TENT5C: variants seen among roughly 807,000 people sequenced by gnomAD.
TENT5C encodes the protein family with sequence similarity 46 member C.
Under a neutral mutation model 22.2 loss-of-function variants are expected in TENT5C, and 5 were observed. The observed-to-expected ratio is 0.22, with a 90% CI of 0.12 to 0.47. TENT5C has a LOEUF of 0.47. Ranked by LOEUF, TENT5C falls within the 20% of genes least tolerant of loss-of-function variation. The pLI is 0.99. For synonymous variants in TENT5C, 199 were observed against 195.4 expected, an observed-to-expected ratio of 1.02 and a Z score of -0.15; for missense variants, 364 against 500.9, an observed-to-expected ratio of 0.73 and a Z score of 2.61.
intron 1 of TENT5C, among the ~76,000 whole-genome samples, chr1:117,607,728 A>T (rs1200938078): frequency 6.6e-6 from 1 of 152,158 alleles, no homozygotes; most frequent in African/African-American, 2.4e-5. Context: ...TTACTGTCTT[A>T]AATCCCCAAG....
chr1:117,618,397 G>GT (rs574013203), intron 1 of TENT5C, among the ~76,000 whole-genome samples: 2,539 of 151,408 alleles, frequency 0.017, 75 homozygotes, highest in African/African-American at 0.058. Flanking sequence ...AGAGTCTGAG[G>GT]TTTTTTTTTA....
chr1:117,607,330 G>C (rs1653564242), intron 1 of TENT5C, among the ~76,000 whole-genome samples: 1 of 152,178 alleles, frequency 6.6e-6, no homozygotes, highest in African/African-American at 2.4e-5. Flanking sequence ...CAGTTCCCTG[G>C]CTTAATTAAG....
intron 1 of TENT5C, among the ~76,000 whole-genome samples, chr1:117,609,213 C>T (rs1653611718): frequency 6.6e-6 from 1 of 152,182 alleles, no homozygotes; most frequent in South Asian, 2.1e-4. Flanking sequence ...TTTACGCTTT[C>T]ATTGCAGGCC....
chr1:117,610,637 C>T (rs1352817460), intron 1 of TENT5C, among the ~76,000 whole-genome samples: 1 of 152,218 alleles, frequency 6.6e-6, no homozygotes, highest in African/African-American at 2.4e-5. Flanking sequence ...AAGCGATCCT[C>T]CTACCTCAGC....
In TENT5C at chr1:117,626,173, A is replaced by C; in HGVS notation, c.*2129A>C. The C allele has an allele frequency of 4.3e-6, 1 of 231,902 alleles. No homozygotes were observed. The highest frequency in any genetic ancestry group is 9.0e-6 in the Non-Finnish European group (1 of 110,956). The allele number at this position is 231,902 out of a possible 1,614,324, so 14.4% of individuals were successfully genotyped here. ...CATAAGCACTTGCCTAACAGAAATCAGTATTTCTTCTACTTAGAAGGCTTG... is the reference window on the plus strand; with the variant it reads ...CATAAGCACTTGCCTAACAGAAATCCGTATTTCTTCTACTTAGAAGGCTTG... On this transcript the variant is annotated 3_prime_UTR_variant, in exon 2 of 2. Transcript: ENST00000369448.
At position 117,611,808 on chromosome 1, in the gene TENT5C, C is replaced by T. The variant is rs141241371; in HGVS notation, c.-28+5655C>T. Reference sequence around the variant, plus strand: ...GCTGCAGTGAGCTGCCATCGAACCACGGCACTGCAGCCTTGGCAATAGGGT... The same window carrying T: ...GCTGCAGTGAGCTGCCATCGAACCATGGCACTGCAGCCTTGGCAATAGGGT... On this transcript the variant is annotated intron_variant, in intron 1 of 1. Coordinates refer to ENST00000369448, the MANE Select transcript of TENT5C (RefSeq NM_017709.4). Among the ~76,000 whole-genome samples, 857 of 152,248 alleles carry T rather than the reference C, an allele frequency of 5.6e-3. 8 individuals are homozygous for T. The highest frequency in any genetic ancestry group is 0.012 in the Admixed American group (187 of 15,304).
In TENT5C at chr1:117,623,070, G is replaced by A. The variant is rs771057074; in HGVS notation, c.202G>A (p.Asp68Asn). 3 of 1,614,220 alleles carry A rather than the reference G, an allele frequency of 1.9e-6. No individual in the cohort carries two copies. Among genetic ancestry groups the A allele is most frequent in the Non-Finnish European group, 2.5e-6 (3 of 1,180,044 alleles). The part of the protein sequence containing the change: ...RLEEAGIKVH[D>N]VRLNGSAAGH... ...GGAGGAGGCAGGCATCAAAGTGCAC[G>A]ACGTCCGGCTGAATGGCTCCGCAGC... Residue 68 changes from aspartate (D) to asparagine (N), a missense_variant, in exon 2 of 2, where the codon GAC (aspartate) becomes AAC (asparagine). Asp to Asn is a conservative substitution (Grantham distance 23). Transcript: ENST00000369448.
intron 1 of TENT5C, among the ~76,000 whole-genome samples, chr1:117,621,874 A>G (rs774946023): frequency 6.6e-6 from 1 of 152,194 alleles, no homozygotes; most frequent in Non-Finnish European, 1.5e-5. Flanking sequence ...ATTTTTTGGT[A>G]AGTATAACAT....
chr1:117,610,072 C>A (rs549074554), intron 1 of TENT5C, among the ~76,000 whole-genome samples: 2 of 152,232 alleles, frequency 1.3e-5, no homozygotes, highest in East Asian at 3.9e-4. Flanking sequence ...AGCCTTTTCT[C>A]TCTCTCTGTT....
chr1:117,626,069 TG>T lies in TENT5C; in HGVS notation c.*2027del, dbSNP rs1408965316. ...CATTCATGACCTTAAAAAGCTGCCA[TG>T]GTGGTCAAATGGCATGTGTTTGCAC... On this transcript the variant is annotated 3_prime_UTR_variant, in exon 2 of 2. Coordinates refer to ENST00000369448, the MANE Select transcript of TENT5C (RefSeq NM_017709.4). The T allele has an allele frequency of 1.2e-5, 3 of 247,908 alleles. No individual in the cohort carries two copies. The highest frequency in any genetic ancestry group is 6.6e-5 in the African/African-American group (3 of 45,358). The allele number at this position is 247,908 out of a possible 1,614,324, so 15.4% of individuals were successfully genotyped here.
chr1:117,621,519 C>G (rs1260599126), intron 1 of TENT5C, among the ~76,000 whole-genome samples: 2 of 152,166 alleles, frequency 1.3e-5, no homozygotes, highest in East Asian at 3.9e-4. Flanking sequence ...GCCCTGACAA[C>G]CAAGTAACAA....
chr1:117,610,892 A>G (rs1653656858), intron 1 of TENT5C, among the ~76,000 whole-genome samples: 1 of 152,206 alleles, frequency 6.6e-6, no homozygotes, highest in South Asian at 2.1e-4. Context: ...CTTTGATTGA[A>G]TAAGCACAAA....
chr1:117,614,541 A>G (rs1653740585), intron 1 of TENT5C, among the ~76,000 whole-genome samples: 2 of 152,056 alleles, frequency 1.3e-5, no homozygotes, highest in Non-Finnish European at 2.9e-5. Context: ...TGGCCCTTTA[A>G]GTCCTGGTCA....
intron 1 of TENT5C, among the ~76,000 whole-genome samples, chr1:117,610,327 A>G (rs1002000217): frequency 1.3e-5 from 2 of 151,458 alleles, no homozygotes; most frequent in African/African-American, 4.9e-5. Context: ...TTTACTCTTG[A>G]CCCACCCTCC....
intron 1 of TENT5C, among the ~76,000 whole-genome samples, chr1:117,619,900 C>G (rs1057184373): frequency 4.6e-5 from 7 of 152,020 alleles, no homozygotes; most frequent in African/African-American, 1.7e-4. Flanking sequence ...CATGCTGTTT[C>G]AATTATTGTG....
At chr1:117,611,037 A>G (rs1019024229) in intron 1 of TENT5C, among the ~76,000 whole-genome samples, 3 of 152,172 alleles carry the variant, frequency 2.0e-5, no homozygotes, top group African/African-American at 7.2e-5. Flanking sequence ...ATGAAGATAG[A>G]AGAGGTAACC....
At chr1:117,611,355 T>G (rs826415) in intron 1 of TENT5C, among the ~76,000 whole-genome samples, 41,120 of 152,134 alleles carry the variant, frequency 0.27, 5,953 homozygotes, top group Non-Finnish European at 0.31. Flanking sequence ...CTGTTTGTCA[T>G]CTTTTTACCT....
chr1:117,623,784 T>C lies in TENT5C; in HGVS notation c.916T>C (p.Tyr306His). The change falls in exon 2 of 2, where the codon TAC becomes CAC. Residue 306 changes from tyrosine (Y) to histidine (H), a missense_variant. By Grantham distance (83) the Tyr-to-His change is moderately conservative. Coordinates refer to ENST00000369448, the MANE Select transcript of TENT5C (RefSeq NM_017709.4). The stretch of plus-strand genomic sequence containing the variant: ...TGAAGAAGAGAGAAGCAAGTACGAC[T>C]ACCTCATGATCCTTCGCAGGGTGGT... The part of the protein sequence containing the change: ...FAEEERSKYD[Y>H]LMILRRVVNE... 1 of 1,614,184 alleles carries C rather than the reference T, an allele frequency of 6.2e-7. No individual in the cohort carries two copies. The highest frequency in any genetic ancestry group is 8.5e-7 in the Non-Finnish European group (1 of 1,180,036).
At chr1:117,622,772 T>G in intron 1 of TENT5C, 70 bp from the exon 2 acceptor site, 1 of 1,006,688 alleles carries the variant, frequency 9.9e-7, no homozygotes, top group Non-Finnish European at 1.5e-6. Context: ...GATTAAACAG[T>G]GTGAGTTCCT....
Sources: gnomAD v4.1 joint callset for allele counts (sites outside exome capture counted in the v4.1 genomes callset) on GRCh38, gnomAD v4.1.1 for gene constraint, MANE v1.5 for transcripts, NCBI Gene and HGNC (gene_info 2026-07-23, HGNC 2026-07-21) for gene names.